The following CAMTA1 variants were observed in gnomAD, a reference collection of about 807,000 sequenced individuals.
CAMTA1 encodes calmodulin-binding transcription activator 1.
In CAMTA1, 27 loss-of-function variants were observed where a neutral mutation model predicts 170.9. That is an observed-to-expected ratio of 0.16 (90% CI 0.12 to 0.22). The LOEUF is 0.22. Among genes scored for constraint, CAMTA1 ranks in the 10% least tolerant of loss-of-function variants. CAMTA1 has a pLI of 1.00. For missense variants in CAMTA1, 1,619 were observed against 2,217.2 expected (o/e 0.73, Z 5.42); for synonymous variants, 833 against 891.5 (o/e 0.93, Z 1.17).
chr1:7,262,412 A>C (rs1184249599), intron 5 of CAMTA1, among the ~76,000 whole-genome samples: 1 of 152,172 alleles, frequency 6.6e-6, no homozygotes, highest in Non-Finnish European at 1.5e-5. Context: ...AAATATAAAA[A>C]TTAGCCGGGC....
Position 7,665,334 on chromosome 1 carries a change from C to T in CAMTA1, c.2652+135C>T. 1 of 652,454 alleles carries T rather than the reference C, an allele frequency of 1.5e-6. No homozygotes were observed. 40.4% of individuals were successfully genotyped at this position (652,454 alleles called of 1,614,324 possible). Reference sequence around the variant, plus strand: ...TCTGGACCACAAAGATGATGCTTTCCCCTCCTTGTGTCCCCACGGCGCTTG... The same window carrying T: ...TCTGGACCACAAAGATGATGCTTTCTCCTCCTTGTGTCCCCACGGCGCTTG... On this transcript the variant is annotated intron_variant, in intron 9 of 22. Coordinates refer to ENST00000303635, the MANE Select transcript of CAMTA1 (RefSeq NM_015215.4). This position sits in a 1 kb window ranked among gnomAD's most constrained non-coding sequence, Gnocchi z 4.3.
intron 3 of CAMTA1, among the ~76,000 whole-genome samples, chr1:6,956,590 C>T (rs952152183): frequency 8.5e-5 from 13 of 152,160 alleles, no homozygotes; most frequent in African/African-American, 2.9e-4. Context: ...GCTATAAATT[C>T]TCTTAAATGA....
chr1:6,951,170 C>T (rs1042713096), intron 3 of CAMTA1, among the ~76,000 whole-genome samples: 10 of 152,150 alleles, frequency 6.6e-5, no homozygotes, highest in Non-Finnish European at 1.0e-4. Context: ...TTTATGGGGT[C>T]CAGTGGCGAA....
At chr1:7,200,065 GAA>G (rs1656364378) in intron 4 of CAMTA1, among the ~76,000 whole-genome samples, 1 of 152,144 alleles carries the variant, frequency 6.6e-6, no homozygotes, top group South Asian at 2.1e-4. Flanking sequence ...TCAGAAAGTT[GAA>G]AAGTTTTTTA....
intron 11 of CAMTA1, among the ~76,000 whole-genome samples, chr1:7,713,863 G>T (rs560175682): frequency 6.6e-6 from 1 of 152,318 alleles, no homozygotes; most frequent in African/African-American, 2.4e-5. Context: ...TCTAACAAGG[G>T]AAGTTTCAGT....
chr1:7,070,572 T>C (rs1258649421), intron 3 of CAMTA1, among the ~76,000 whole-genome samples: 1 of 152,188 alleles, frequency 6.6e-6, no homozygotes. Flanking sequence ...ATCACGGTGA[T>C]GCCTGTTGCC....
intron 11 of CAMTA1, among the ~76,000 whole-genome samples, chr1:7,711,403 C>G (rs944552609): frequency 2.0e-5 from 3 of 152,084 alleles, no homozygotes; most frequent in Non-Finnish European, 4.4e-5. Context: ...GTGCCCTGAT[C>G]AGGGATGAAG....
intron 3 of CAMTA1, among the ~76,000 whole-genome samples, chr1:7,028,927 CAG>C (rs1461145147): frequency 1.3e-5 from 2 of 152,222 alleles, no homozygotes; most frequent in Middle Eastern, 3.4e-3. Context: ...AGTAAAAAGA[CAG>C]AGAGTGATAT....
rs763436418 is a variant in CAMTA1 at position 7,293,848 on chromosome 1, C to G, written c.438+44222C>G. Among the ~76,000 whole-genome samples the G allele has an allele frequency of 1.3e-5, 2 of 152,184 alleles. No homozygotes were observed. The highest frequency in any genetic ancestry group is 6.5e-5 in the Admixed American group (1 of 15,280). On this transcript the variant is annotated intron_variant, in intron 5 of 22. Coordinates refer to ENST00000303635, the MANE Select transcript of CAMTA1 (RefSeq NM_015215.4). This position sits in a 1 kb window ranked among gnomAD's most constrained non-coding sequence, Gnocchi z 4.1. ...TTTTCTCTGAAAACTCGGCATGCCC[C>G]GGGGGGCCTCTTTGGAGCCTGTTGG...
chr1:6,810,234 G>A (rs1386614628), intron 1 of CAMTA1, among the ~76,000 whole-genome samples: 1 of 152,168 alleles, frequency 6.6e-6, no homozygotes, highest in Non-Finnish European at 1.5e-5. Context: ...ACCTCTGGTA[G>A]GGGAGGATCC....
chr1:7,519,580 G>GC (rs2094333002), intron 6 of CAMTA1, among the ~76,000 whole-genome samples: 1 of 151,790 alleles, frequency 6.6e-6, no homozygotes, highest in African/African-American at 2.4e-5. Context: ...TCCTCCCTGA[G>GC]CCACCTCTGC....
intron 4 of CAMTA1, among the ~76,000 whole-genome samples, chr1:7,150,708 T>C (rs773781711): frequency 5.9e-5 from 9 of 151,304 alleles, no homozygotes; most frequent in Middle Eastern, 3.4e-3. Flanking sequence ...TAGGACCAAG[T>C]ATTGGGATGT....
rs542152587 is a variant in CAMTA1 at position 7,591,107 on chromosome 1, G to A, written c.511-49293G>A. 1.4e-4 allele frequency among the ~76,000 whole-genome samples: 22 copies of A among 152,240 alleles called. No individual in the cohort carries two copies. In the South Asian group the frequency reaches 1.7e-3, roughly 12 times the overall value. On this transcript the variant is annotated intron_variant, in intron 6 of 22. Transcript: ENST00000303635. ...TAACCTGGGACTAGACCCTCACTCC[G>A]AAACTGAAGTATTTCTGTGCAGTTC...
intron 3 of CAMTA1, among the ~76,000 whole-genome samples, chr1:7,079,700 T>C (rs1310182914): frequency 6.6e-6 from 1 of 151,884 alleles, no homozygotes; most frequent in Non-Finnish European, 1.5e-5. Context: ...CTCAAACTCC[T>C]AACCTCAAGC....
At chr1:7,422,962 C>T (rs1047916004) in intron 5 of CAMTA1, among the ~76,000 whole-genome samples, 6 of 152,272 alleles carry the variant, frequency 3.9e-5, no homozygotes, top group African/African-American at 9.6e-5. Context: ...CTGCAAGATG[C>T]ATTTTCAGAG....
intron 1 of CAMTA1, chr1:6,806,939 C>CA (rs1404514552): frequency 2.1e-6 from 1 of 466,270 alleles, no homozygotes; most frequent in Non-Finnish European, 3.9e-6. Flanking sequence ...ACTTTTAAGT[C>CA]ACTTCATTTA....
intron 3 of CAMTA1, among the ~76,000 whole-genome samples, chr1:6,999,412 C>T (rs1287603394): frequency 6.6e-6 from 1 of 152,196 alleles, no homozygotes; most frequent in South Asian, 2.1e-4. Flanking sequence ...GAGACAGAGT[C>T]TCACTCTGTT....
intron 11 of CAMTA1, among the ~76,000 whole-genome samples, chr1:7,697,353 G>A (rs1311764328): frequency 2.0e-5 from 3 of 152,124 alleles, no homozygotes; most frequent in Non-Finnish European, 2.9e-5. Context: ...TTCTATTGAC[G>A]AGGAGCCTGA....
intron 6 of CAMTA1, among the ~76,000 whole-genome samples, chr1:7,494,195 G>A (rs1422675872): frequency 2.4e-5 from 2 of 83,300 alleles, no homozygotes; most frequent in Non-Finnish European, 4.4e-5. Flanking sequence ...TTTGTTCAGA[G>A]GGGGAAAAAT....
Sources: allele counts gnomAD v4.1 joint callset (sites outside exome capture counted in the v4.1 genomes callset), GRCh38; gene constraint gnomAD v4.1.1; non-coding constraint Gnocchi (gnomAD v3.1); transcripts MANE v1.5; gene names NCBI Gene and HGNC (gene_info 2026-07-23, HGNC 2026-07-21).